FRMD4B: variants seen among roughly 807,000 people sequenced by gnomAD.
FRMD4B encodes FERM domain-containing protein 4B.
A neutral mutation model predicts 141.5 loss-of-function variants in FRMD4B; 74 were observed. The observed-to-expected ratio is 0.52, with a 90% CI of 0.43 to 0.63. FRMD4B has a LOEUF of 0.63. FRMD4B is among the 30% of genes least tolerant of loss of function. The pLI is 0.00. For synonymous variants in FRMD4B, 506 were observed against 467.9 expected, an observed-to-expected ratio of 1.08 and a Z score of -1.05; for missense variants, 1,366 against 1,253.4, an observed-to-expected ratio of 1.09 and a Z score of -1.36.
At chr3:69,229,285 C>T (rs1341101796) in intron 7 of FRMD4B, among the ~76,000 whole-genome samples, 1 of 152,080 alleles carries the variant, frequency 6.6e-6, no homozygotes, top group Non-Finnish European at 1.5e-5. Flanking sequence ...CTTAGCTTCC[C>T]AAAGTGCTAG....
chr3:69,179,546 C>T (rs546093225), intron 21 of FRMD4B, among the ~76,000 whole-genome samples: 1 of 152,142 alleles, frequency 6.6e-6, no homozygotes, highest in African/African-American at 2.4e-5. Flanking sequence ...GTCCAAAGTC[C>T]TGCACAAATA....
chr3:69,378,983 C>G (rs1420582157), intron 1 of FRMD4B, among the ~76,000 whole-genome samples: 1 of 152,112 alleles, frequency 6.6e-6, no homozygotes, highest in Non-Finnish European at 1.5e-5. Context: ...TTTAGACTCC[C>G]TCCACTGATC....
At chr3:69,416,582 G>A (rs917461735) in intron 2 of FRMD4B, among the ~76,000 whole-genome samples, 8 of 152,102 alleles carry the variant, frequency 5.3e-5, no homozygotes, top group African/African-American at 1.9e-4. Flanking sequence ...CGTGCAGAAT[G>A]TGCAGGTTTG....
intron 2 of FRMD4B, among the ~76,000 whole-genome samples, chr3:69,426,533 A>G (rs938445779): frequency 2.6e-5 from 4 of 152,290 alleles, no homozygotes; most frequent in African/African-American, 9.6e-5. Flanking sequence ...AGTTCTACAA[A>G]GAAAGGGTGC....
At chr3:69,318,772 C>G (rs1250877310) in intron 1 of FRMD4B, among the ~76,000 whole-genome samples, 1 of 152,144 alleles carries the variant, frequency 6.6e-6, no homozygotes, top group Non-Finnish European at 1.5e-5. Context: ...TCAGGTAATG[C>G]CACATAATTA....
intron 1 of FRMD4B, among the ~76,000 whole-genome samples, chr3:69,329,055 A>G (rs1351499195): frequency 1.3e-5 from 2 of 152,130 alleles, no homozygotes; most frequent in Non-Finnish European, 2.9e-5. Context: ...TGGGCTCTGG[A>G]TCAGGACCAC....
At chr3:69,318,135 C>T (rs1247615189) in intron 1 of FRMD4B, among the ~76,000 whole-genome samples, 1 of 152,036 alleles carries the variant, frequency 6.6e-6, no homozygotes, top group Non-Finnish European at 1.5e-5. Context: ...TCATGCCTGG[C>T]TAATTTTTAT....
rs149190345 is a variant in FRMD4B at position 69,217,041 on chromosome 3, C to T, written c.790-692G>A. Among the ~76,000 whole-genome samples the T allele has an allele frequency of 4.1e-4, 61 of 149,954 alleles. No homozygotes were observed. In the East Asian group the frequency reaches 4.9e-3, roughly 12 times the overall value. ...GTAACCAGTTATAAAAGGTTGGGGA[C>T]GTTTCCAAAGAATTACAAAGATGAG... On this transcript the variant is annotated intron_variant, in intron 10 of 22. Coordinates refer to ENST00000398540, the MANE Select transcript of FRMD4B (RefSeq NM_015123.3).
At chr3:69,433,576 G>A (rs1705213184) in intron 1 of FRMD4B, among the ~76,000 whole-genome samples, 1 of 152,192 alleles carries the variant, frequency 6.6e-6, no homozygotes, top group Non-Finnish European at 1.5e-5. Flanking sequence ...GTGCAAGATG[G>A]CACAAGAAGC....
chr3:69,294,870 G>A (rs1391139973), intron 4 of FRMD4B, among the ~76,000 whole-genome samples: 1 of 152,084 alleles, frequency 6.6e-6, no homozygotes, highest in Admixed American at 6.5e-5. Flanking sequence ...GAGAAAAGTG[G>A]GGAAGTAACA....
chr3:69,204,482 T>G (rs1255697673), intron 11 of FRMD4B, among the ~76,000 whole-genome samples: 2 of 152,194 alleles, frequency 1.3e-5, no homozygotes, highest in African/African-American at 4.8e-5. Context: ...TATACATCAG[T>G]GACTCACACG....
chr3:69,313,877 C>A (rs1208121732), intron 1 of FRMD4B, among the ~76,000 whole-genome samples: 1 of 151,310 alleles, frequency 6.6e-6, no homozygotes, highest in African/African-American at 2.4e-5. Flanking sequence ...CGGTGGCTCA[C>A]GCCTGTAATC....
chr3:69,362,136 C>T (rs1194458170), intron 1 of FRMD4B, among the ~76,000 whole-genome samples: 1 of 152,148 alleles, frequency 6.6e-6, no homozygotes, highest in Non-Finnish European at 1.5e-5. Flanking sequence ...TAATAACAAG[C>T]ACTTATATAG....
At chr3:69,470,914 G>A (rs1705877727) in intron 1 of FRMD4B, among the ~76,000 whole-genome samples, 1 of 152,098 alleles carries the variant, frequency 6.6e-6, no homozygotes, top group Non-Finnish European at 1.5e-5. Flanking sequence ...ATCCCACATG[G>A]CCGACAGGCT....
At chr3:69,483,584 A>G (rs1261166446) in intron 1 of FRMD4B, among the ~76,000 whole-genome samples, 2 of 152,220 alleles carry the variant, frequency 1.3e-5, no homozygotes, top group Non-Finnish European at 2.9e-5. Context: ...ATGGGACCAT[A>G]TTGGGAAATG....
Position 69,255,172 on chromosome 3 carries a change from G to C in FRMD4B, c.502-5073C>G, listed in dbSNP as rs185898402. ...ATTAGGTCATATATGGGATGTCCTT[G>C]ATTTTAGGAAATATACAATGAAAAT... On this transcript the variant is annotated intron_variant, in intron 5 of 22. Transcript: ENST00000398540. Among the ~76,000 whole-genome samples, 65 of 152,260 alleles carry C rather than the reference G, an allele frequency of 4.3e-4. 1 individual carries two copies. The highest frequency in any genetic ancestry group is 1.5e-3 in the African/African-American group (63 of 41,560).
chr3:69,353,644 C>T (rs951954219), intron 1 of FRMD4B: 36 of 948,742 alleles, frequency 3.8e-5, no homozygotes, highest in Admixed American at 1.2e-4. Context: ...TGTGTGTGTG[C>T]GCGCGCGTGT....
chr3:69,357,772 C>A (rs1703365270), intron 1 of FRMD4B, among the ~76,000 whole-genome samples: 2 of 152,170 alleles, frequency 1.3e-5, no homozygotes, highest in Admixed American at 6.5e-5. Flanking sequence ...GGGCATAGCA[C>A]TAAACCATTT....
intron 3 of FRMD4B, among the ~76,000 whole-genome samples, chr3:69,303,440 A>G (rs1701284152): frequency 6.6e-6 from 1 of 152,224 alleles, no homozygotes; most frequent in Non-Finnish European, 1.5e-5. Context: ...TGGCGATTTT[A>G]AAAATTAAAC....
Sources: gnomAD v4.1 joint callset for allele counts (sites outside exome capture counted in the v4.1 genomes callset) on GRCh38, gnomAD v4.1.1 for gene constraint, MANE v1.5 for transcripts, NCBI Gene and HGNC (gene_info 2026-07-23, HGNC 2026-07-21) for gene names.